Variants in TMPRSS11E observed in about 807,000 individuals in gnomAD.
TMPRSS11E encodes the protein transmembrane serine protease 11E, also known as transmembrane protease serine 11E.
In TMPRSS11E, 38 loss-of-function variants were observed where a neutral mutation model predicts 48.1. That is an observed-to-expected ratio of 0.79 (90% CI 0.61 to 1.04). The LOEUF is 1.04. Ranked by LOEUF, TMPRSS11E falls within the 50% of genes least tolerant of loss-of-function variation. The pLI, the probability that TMPRSS11E is intolerant of heterozygous loss-of-function variation, is 0.00. For synonymous variants in TMPRSS11E, 158 were observed against 171.9 expected (o/e 0.92, Z 0.63); for missense variants, 530 against 510.8 (o/e 1.04, Z -0.36).
intron 1 of TMPRSS11E, among the ~76,000 whole-genome samples, chr4:68,452,820 A>G (rs1010607951): frequency 1.3e-5 from 2 of 151,966 alleles, no homozygotes; most frequent in African/African-American, 4.8e-5. Flanking sequence ...GCATTTGGGG[A>G]TACATTATTT....
intron 9 of TMPRSS11E, among the ~76,000 whole-genome samples, chr4:68,488,673 G>A (rs1282774290): frequency 6.6e-6 from 1 of 150,768 alleles, no homozygotes; most frequent in East Asian, 2.0e-4. Context: ...TGAGTAGCTG[G>A]GATTACAGGG....
At chr4:68,459,135 CT>C (rs1201802204) in intron 1 of TMPRSS11E, among the ~76,000 whole-genome samples, 3 of 152,074 alleles carry the variant, frequency 2.0e-5, no homozygotes, top group African/African-American at 7.2e-5. Context: ...ACTGGATTCT[CT>C]TTTTCCTTTG....
At chr4:68,454,537 A>G (rs1394435881) in intron 1 of TMPRSS11E, among the ~76,000 whole-genome samples, 1 of 151,976 alleles carries the variant, frequency 6.6e-6, no homozygotes, top group African/African-American at 2.4e-5. Flanking sequence ...TTTCAGGTCG[A>G]TAACTGGGGC....
At chr4:68,482,920 T>C (rs1040074068) in intron 9 of TMPRSS11E, among the ~76,000 whole-genome samples, 1 of 152,214 alleles carries the variant, frequency 6.6e-6, no homozygotes, top group African/African-American at 2.4e-5. Flanking sequence ...TCAGACTTGA[T>C]CATATCTGTC....
At chr4:68,450,127 A>C (rs997088533) in intron 1 of TMPRSS11E, among the ~76,000 whole-genome samples, 1 of 151,890 alleles carries the variant, frequency 6.6e-6, no homozygotes, top group Non-Finnish European at 1.5e-5. Flanking sequence ...GCTTAGGCCC[A>C]GAGTTGCTAT....
chr4:68,473,631 G>A (rs145458940), intron 5 of TMPRSS11E, among the ~76,000 whole-genome samples: 5,177 of 152,134 alleles, frequency 0.034, 308 homozygotes, highest in African/African-American at 0.12. Context: ...AGAATGTCAA[G>A]TGAGCAATAG....
Position 68,471,523 on chromosome 4 carries a change from T to A in TMPRSS11E, c.390T>A (p.Asp130Glu), listed in dbSNP as rs369283592. 1 of 1,610,870 alleles carries A rather than the reference T, an allele frequency of 6.2e-7. No individual in the cohort carries two copies. Among genetic ancestry groups the A allele is most frequent in the African/African-American group, 1.3e-5 (1 of 74,644 alleles). ...LLICRFHSTEDPETVDKIVQL... is the reference protein window; with the variant it reads ...LLICRFHSTEEPETVDKIVQL... The stretch of plus-strand genomic sequence containing the variant: ...TTTGTAGATTTCACTCTACTGAGGA[T>A]CCTGAAACTGTAGATAAAATTGTTC... Residue 130 changes from aspartate (D) to glutamate (E), a missense_variant, in exon 5 of 10, where the codon GAT becomes GAA. Physicochemically the swap from Asp to Glu is conservative, Grantham distance 45. Transcript: ENST00000305363.
chr4:68,486,469 A>G (rs1412610023), intron 9 of TMPRSS11E, among the ~76,000 whole-genome samples: 3 of 152,070 alleles, frequency 2.0e-5, no homozygotes, highest in Non-Finnish European at 4.4e-5. Flanking sequence ...CTTGGTATTG[A>G]TTTCTATTTT....
At chr4:68,473,558 A>G (rs1170784200) in intron 5 of TMPRSS11E, among the ~76,000 whole-genome samples, 1 of 152,162 alleles carries the variant, frequency 6.6e-6, no homozygotes, top group African/African-American at 2.4e-5. Flanking sequence ...GTCTGCCAAC[A>G]CTATAATCCA....
rs777359481 is a variant in TMPRSS11E at position 68,477,524 on chromosome 4, C to T, written c.863C>T (p.Pro288Leu). ...CTTGCAGAGCTTTCTAGCCCTGTTC[C>T]CTACACAAATGCAGTACATAGAGTT... ...ISLAELSSPVPYTNAVHRVCL... is the reference protein window; with the variant it reads ...ISLAELSSPVLYTNAVHRVCL... Residue 288 changes from proline to leucine, a missense_variant, in exon 8 of 10, where the codon CCC becomes CTC. Physicochemically the swap from Pro to Leu is moderately conservative, Grantham distance 98 (BLOSUM62 -3). Transcript: ENST00000305363. 7 of 1,613,956 alleles carry T rather than the reference C, an allele frequency of 4.3e-6. No homozygotes were observed. Among genetic ancestry groups the T allele is most frequent in the Non-Finnish European group, 5.1e-6 (6 of 1,180,000 alleles).
At chr4:68,490,709 C>T (rs1342639361) in intron 9 of TMPRSS11E, among the ~76,000 whole-genome samples, 1 of 147,676 alleles carries the variant, frequency 6.8e-6, no homozygotes, top group African/African-American at 2.5e-5. Context: ...AGAGTTATTC[C>T]TCATTACTGG....
At chr4:68,460,904 G>A (rs34446687) in intron 1 of TMPRSS11E, among the ~76,000 whole-genome samples, 8,205 of 144,216 alleles carry the variant, frequency 0.057, 307 homozygotes, top group Admixed American at 0.081. Flanking sequence ...TTTTTAAGAC[G>A]GAGTCTCGCT....
At chr4:68,472,446 C>CT (rs1387846460) in intron 5 of TMPRSS11E, among the ~76,000 whole-genome samples, 49 of 151,792 alleles carry the variant, frequency 3.2e-4, no homozygotes, top group African/African-American at 6.0e-4. Context: ...AAATATTTCA[C>CT]TTTTTTTTGT....
At chr4:68,463,582 C>T (rs1728851209) in intron 2 of TMPRSS11E, among the ~76,000 whole-genome samples, 1 of 152,150 alleles carries the variant, frequency 6.6e-6, no homozygotes, top group Non-Finnish European at 1.5e-5. Context: ...GGATTACAGG[C>T]ATAAGCCACT....
intron 1 of TMPRSS11E, among the ~76,000 whole-genome samples, chr4:68,449,993 G>A (rs10518053): frequency 0.11 from 17,432 of 151,768 alleles, 1,151 homozygotes; most frequent in Non-Finnish European, 0.14. Flanking sequence ...CTGATAAGGA[G>A]GATGACTTTA....
chr4:68,471,724 G>T, intron 5 of TMPRSS11E, 101 bp downstream of exon 5: 2 of 820,410 alleles, frequency 2.4e-6, no homozygotes, highest in South Asian at 2.7e-5. Flanking sequence ...TTAATTCTGG[G>T]GTCTTGCCAC....
At chr4:68,455,237 T>C (rs767651394) in intron 1 of TMPRSS11E, among the ~76,000 whole-genome samples, 2 of 152,000 alleles carry the variant, frequency 1.3e-5, no homozygotes, top group Admixed American at 6.6e-5. Flanking sequence ...GCCTGAAGTC[T>C]GATTGTTTAA....
intron 9 of TMPRSS11E, among the ~76,000 whole-genome samples, chr4:68,490,975 T>C (rs987167767): frequency 6.6e-6 from 1 of 151,968 alleles, no homozygotes; most frequent in Non-Finnish European, 1.5e-5. Context: ...GCTAGGCTGG[T>C]CTGAAACTCC....
rs770126823 is a variant in TMPRSS11E, at chr4:68,447,503, C to T, written c.-10C>T. 3 of 1,609,694 alleles carry T rather than the reference C, an allele frequency of 1.9e-6. No homozygotes were observed. The highest frequency in any genetic ancestry group is 1.3e-5 in the African/African-American group (1 of 74,732). ...TCGACCTTCACAGGACTCTTCATTG[C>T]TGGTTGGCAATGATGTATCGGTGAG... On this transcript the variant is annotated 5_prime_UTR_variant, in exon 1 of 10. Transcript: ENST00000305363.
Sources: gnomAD v4.1 joint callset for allele counts (sites outside exome capture counted in the v4.1 genomes callset) on GRCh38, gnomAD v4.1.1 for gene constraint, MANE v1.5 for transcripts, NCBI Gene and HGNC (gene_info 2026-07-23, HGNC 2026-07-21) for gene names.